PARN: variants seen among roughly 807,000 people sequenced by gnomAD.
PARN encodes poly(A)-specific ribonuclease.
In PARN, 71 loss-of-function variants were observed where a neutral mutation model predicts 102.8. The ratio of observed to expected loss-of-function variants is 0.69; its 90% confidence interval spans 0.57 to 0.84. The LOEUF (loss-of-function observed/expected upper bound fraction) is 0.84. PARN is among the 40% of genes least tolerant of loss of function. The probability of loss-of-function intolerance (pLI) is 0.00; values close to 1 mark genes in which losing one functional copy is unlikely to be tolerated. For synonymous variants in PARN, 261 were observed against 252.9 expected (o/e 1.03, Z -0.30); for missense variants, 782 against 760.9 (o/e 1.03, Z -0.33).
At chr16:14,465,377 C>G (rs1444775729) in intron 22 of PARN, among the ~76,000 whole-genome samples, 1 of 152,096 alleles carries the variant, frequency 6.6e-6, no homozygotes, top group East Asian at 1.9e-4. Context: ...GCCAATGCAC[C>G]CAGCGTAAGA....
intron 23 of PARN, among the ~76,000 whole-genome samples, chr16:14,439,940 G>A (rs1187328970): frequency 2.6e-5 from 4 of 152,268 alleles, no homozygotes; most frequent in Non-Finnish European, 4.4e-5. Context: ...GCCTGAACCC[G>A]AGAGGCGGAG....
intron 20 of PARN, 68 bp downstream of exon 20, chr16:14,553,997 C>A: frequency 1.1e-6 from 1 of 948,662 alleles, no homozygotes; most frequent in Non-Finnish European, 1.6e-6. Flanking sequence ...AACTATCTTT[C>A]TACTTCTGAC....
intron 21 of PARN, among the ~76,000 whole-genome samples, chr16:14,508,702 A>C (rs889256353): frequency 1.3e-5 from 2 of 151,780 alleles, no homozygotes; most frequent in Non-Finnish European, 1.5e-5. Flanking sequence ...AACATTTGAT[A>C]GAATTTTAAA....
At chr16:14,487,096 C>T (rs1195346636) in intron 21 of PARN, among the ~76,000 whole-genome samples, 4 of 152,198 alleles carry the variant, frequency 2.6e-5, no homozygotes, top group Non-Finnish European at 4.4e-5. Flanking sequence ...AAGTCTTCGC[C>T]GGAGGATCCG....
intron 22 of PARN, among the ~76,000 whole-genome samples, chr16:14,481,498 A>G (rs1187231839): frequency 6.6e-6 from 1 of 152,240 alleles, no homozygotes; most frequent in Non-Finnish European, 1.5e-5. Context: ...TTGAAAACAG[A>G]CACAAGGAAA....
chr16:14,469,273 A>G (rs1485237209), intron 22 of PARN, among the ~76,000 whole-genome samples: 18 of 152,294 alleles, frequency 1.2e-4, no homozygotes, highest in Non-Finnish European at 1.5e-5. Context: ...CAGAGGTTGC[A>G]GCGAGCCAAG....
intron 21 of PARN, among the ~76,000 whole-genome samples, chr16:14,547,647 C>T (rs1220189564): frequency 6.6e-6 from 1 of 151,970 alleles, no homozygotes; most frequent in Non-Finnish European, 1.5e-5. Context: ...GAGTTCGAGG[C>T]TGCAGTGAGT....
chr16:14,566,089 T>C (rs1263464439), intron 18 of PARN, among the ~76,000 whole-genome samples: 1 of 152,230 alleles, frequency 6.6e-6, no homozygotes, highest in Non-Finnish European at 1.5e-5. Flanking sequence ...ACTACTAACC[T>C]GCCTACAGTG....
intron 22 of PARN, among the ~76,000 whole-genome samples, chr16:14,476,153 G>C (rs1478315049): frequency 1.3e-5 from 2 of 152,132 alleles, no homozygotes; most frequent in Non-Finnish European, 2.9e-5. Flanking sequence ...ATGTGAACCA[G>C]ATATATAATT....
At chr16:14,570,512 C>T (rs1266563174) in intron 18 of PARN, among the ~76,000 whole-genome samples, 5 of 150,838 alleles carry the variant, frequency 3.3e-5, no homozygotes, top group Non-Finnish European at 7.4e-5. Flanking sequence ...TAGCCAGACA[C>T]GGTGGCGCAT....
At chr16:14,477,453 A>AG (rs57202464) in intron 22 of PARN, among the ~76,000 whole-genome samples, 67 of 149,282 alleles carry the variant, frequency 4.5e-4, no homozygotes, top group African/African-American at 1.6e-3. Context: ...AAAAAAAAAA[A>AG]CATAACCCTG....
chr16:14,564,464 C>T (rs541991377), intron 18 of PARN, among the ~76,000 whole-genome samples: 3 of 152,312 alleles, frequency 2.0e-5, no homozygotes, highest in Admixed American at 6.5e-5. Context: ...AACCTTCCCA[C>T]GACTGTAGTG....
intron 21 of PARN, among the ~76,000 whole-genome samples, chr16:14,517,663 A>T (rs1399372156): frequency 6.6e-6 from 1 of 152,206 alleles, no homozygotes; most frequent in Admixed American, 6.5e-5. Context: ...CTTATAAGTC[A>T]ACAGAAAATA....
In PARN at chr16:14,533,580, C is replaced by T. The variant is rs116700851; in HGVS notation, c.1480+18441G>A. 8.6e-3 allele frequency among the ~76,000 whole-genome samples: 1,302 copies of T among 152,274 alleles called. 15 individuals are homozygous for T. The highest frequency in any genetic ancestry group is 0.03 in the African/African-American group (1,227 of 41,548). On this transcript the variant is annotated intron_variant, in intron 21 of 23. Coordinates refer to ENST00000437198, the MANE Select transcript of PARN (RefSeq NM_002582.4). ...GCTGCCCCACAGCTGCTCCACTCCA[C>T]GTGCCCTCTGTTTCAGTCATGCCAA...
At chr16:14,628,366 C>G (rs1972807354) in intron 2 of PARN, 115 bp from the exon 3 acceptor site, 1 of 632,614 alleles carries the variant, frequency 1.6e-6, no homozygotes, top group East Asian at 2.8e-5. Flanking sequence ...TACTTGGAAG[C>G]ACTCCCTAAC....
chr16:14,518,453 G>A (rs1596557741), intron 21 of PARN, among the ~76,000 whole-genome samples: 1 of 151,532 alleles, frequency 6.6e-6, no homozygotes, highest in East Asian at 1.9e-4. Context: ...AAAAAATTCA[G>A]ATTGGCTAGC....
In PARN at chr16:14,443,580, C is replaced by G. The variant is rs369075390; in HGVS notation, c.1864+3308G>C. On this transcript the variant is annotated intron_variant, in intron 23 of 23. Transcript: ENST00000437198. The stretch of plus-strand genomic sequence containing the variant: ...TCTTGAACTCTTGACCTCAGGTGAT[C>G]TGCCCACCTCGCCCTCCAGAAGTGC... 5.9e-5 allele frequency among the ~76,000 whole-genome samples: 9 copies of G among 152,176 alleles called. No homozygotes were observed. The East Asian group carries it at 7.7e-4, about 13-fold the overall frequency.
At chr16:14,529,584 TCA>T (rs1966205238) in intron 21 of PARN, among the ~76,000 whole-genome samples, 1 of 152,114 alleles carries the variant, frequency 6.6e-6, no homozygotes, top group African/African-American at 2.4e-5. Flanking sequence ...TATCATGTCA[TCA>T]GAGTCACATC....
intron 21 of PARN, among the ~76,000 whole-genome samples, chr16:14,520,571 C>CA (rs1421390154): frequency 1.3e-5 from 2 of 152,012 alleles, no homozygotes; most frequent in Non-Finnish European, 2.9e-5. Context: ...CAGGGACATG[C>CA]ACCTGTAGTC....
Sources: allele counts gnomAD v4.1 joint callset (sites outside exome capture counted in the v4.1 genomes callset), GRCh38; gene constraint gnomAD v4.1.1; transcripts MANE v1.5; gene names NCBI Gene and HGNC (gene_info 2026-07-23, HGNC 2026-07-21).